The following PLD5 variants were observed in gnomAD, a reference collection of about 807,000 sequenced individuals.
The protein encoded by PLD5 is phospholipase D family member 5.
In PLD5, 36 loss-of-function variants were observed where a neutral mutation model predicts 61.1. That is an observed-to-expected ratio of 0.59 (90% CI 0.45 to 0.78). The LOEUF (loss-of-function observed/expected upper bound fraction) is 0.78, where lower values mean the gene tolerates loss of function less well. PLD5 is among the 30% of genes least tolerant of loss of function. PLD5 has a pLI of 0.00. For missense variants in PLD5, 515 were observed against 644.4 expected (o/e 0.80, Z 2.17); for synonymous variants, 243 against 242.8 (o/e 1.00, Z -0.01).
chr1:242,528,519 C>T (rs908557607), upstream of PLD5, among the ~76,000 whole-genome samples: 1 of 152,106 alleles, frequency 6.6e-6, no homozygotes. Flanking sequence ...AGGCACTTTG[C>T]ATTGTCATAA....
intron 1 of PLD5, among the ~76,000 whole-genome samples, chr1:242,500,112 A>G (rs1295869789): frequency 2.6e-5 from 4 of 152,174 alleles, no homozygotes; most frequent in African/African-American, 9.6e-5. Context: ...CAAGCCTTGG[A>G]TGTCACATAG....
At chr1:242,386,716 T>G (rs1429928079) in intron 1 of PLD5, among the ~76,000 whole-genome samples, 2 of 152,164 alleles carry the variant, frequency 1.3e-5, no homozygotes, top group Non-Finnish European at 1.5e-5. Flanking sequence ...GGCTCTTGAC[T>G]GTACTCTGGT....
rs144139620 is a variant in PLD5 at position 242,510,022 on chromosome 1, T to C, written c.189+14066A>G. Among the ~76,000 whole-genome samples, 480 of 152,314 alleles carry C rather than the reference T, an allele frequency of 3.2e-3. 3 individuals are homozygous for C. The highest frequency in any genetic ancestry group is 3.9e-3 in the Non-Finnish European group (262 of 68,016). ...CATTTCAATGCCTATCCCACCATAC[T>C]TCCTTCTCTTCTTATCCATCTTTTC... On this transcript the variant is annotated intron_variant, in intron 1 of 9. Transcript: ENST00000536534.
chr1:242,394,997 G>A (rs1023119124), intron 1 of PLD5, among the ~76,000 whole-genome samples: 591 of 57,006 alleles, frequency 0.01, 4 homozygotes, highest in South Asian at 0.026. Flanking sequence ...GAATATATAT[G>A]TATATATGAA....
rs546304418 is a variant in PLD5 at position 242,324,963 on chromosome 1, G to A, written c.326+23143C>T. On this transcript the variant is annotated intron_variant, in intron 2 of 9. Coordinates refer to ENST00000536534, the MANE Select transcript of PLD5 (RefSeq NM_001372062.1). ...CCTGCCTAAATATCTTTCAACAACC[G>A]TAGCCTCTGAATTTTAGAGAAGCTG... Among the ~76,000 whole-genome samples, 175 of 152,210 alleles carry A rather than the reference G, an allele frequency of 1.1e-3. 1 individual carries two copies. The highest frequency in any genetic ancestry group is 3.8e-3 in the African/African-American group (157 of 41,526).
chr1:242,282,866 G>T (rs943841102), intron 3 of PLD5, among the ~76,000 whole-genome samples: 2 of 152,126 alleles, frequency 1.3e-5, no homozygotes, highest in African/African-American at 4.8e-5. Context: ...AAAACCTTTT[G>T]CCCGACCATG....
At chr1:242,405,884 G>T (rs746431396) in intron 1 of PLD5, among the ~76,000 whole-genome samples, 12 of 151,760 alleles carry the variant, frequency 7.9e-5, no homozygotes, top group Non-Finnish European at 1.8e-4. Flanking sequence ...TTACAGGTGT[G>T]AGCCACTGAG....
chr1:242,394,528 A>G (rs540774775), intron 1 of PLD5, among the ~76,000 whole-genome samples: 1 of 46,374 alleles, frequency 2.2e-5, no homozygotes, highest in Non-Finnish European at 3.7e-5. Flanking sequence ...ATATATGTGT[A>G]TATATGTGAA....
At chr1:242,360,838 T>C (rs1012546447) in intron 1 of PLD5, among the ~76,000 whole-genome samples, 2 of 152,108 alleles carry the variant, frequency 1.3e-5, no homozygotes, top group African/African-American at 4.8e-5. Context: ...TCCTTAGACA[T>C]TATAAATGGA....
intron 1 of PLD5, among the ~76,000 whole-genome samples, chr1:242,368,602 A>G (rs1661467746): frequency 6.6e-6 from 1 of 152,214 alleles, no homozygotes. Context: ...TGCATAGGGC[A>G]TGAATCTCTG....
At position 242,416,305 on chromosome 1, in the gene PLD5, G is replaced by C. The variant is rs1456556869; in HGVS notation, c.190-68063C>G. Among the ~76,000 whole-genome samples, 3 of 151,872 alleles carry C rather than the reference G, an allele frequency of 2.0e-5. No individual in the cohort carries two copies. In the East Asian group the frequency reaches 5.8e-4, roughly 29 times the overall value. ...GAAGCTACATTATGGATTCATGAAG[G>C]TTGTATTATACTCTTCTACATACTT... On this transcript the variant is annotated intron_variant, in intron 1 of 9. Coordinates refer to ENST00000536534, the MANE Select transcript of PLD5 (RefSeq NM_001372062.1).
chr1:242,351,077 T>G (rs77878932), intron 1 of PLD5, among the ~76,000 whole-genome samples: 4 of 151,998 alleles, frequency 2.6e-5, no homozygotes, highest in Non-Finnish European at 5.9e-5. Flanking sequence ...AATTTTATAT[T>G]TTTAGTAGAG....
intron 1 of PLD5, among the ~76,000 whole-genome samples, chr1:242,431,141 C>T (rs76241939): frequency 0.02 from 3,000 of 152,272 alleles, 95 homozygotes; most frequent in African/African-American, 0.066. Flanking sequence ...AGAACATTCA[C>T]GCTGTTGCGT....
chr1:242,486,046 C>T (rs1425583024), intron 1 of PLD5, among the ~76,000 whole-genome samples: 3 of 151,422 alleles, frequency 2.0e-5, no homozygotes, highest in Admixed American at 6.6e-5. Flanking sequence ...CTTCCTTACA[C>T]CTTATACAAA....
chr1:242,403,640 A>G (rs1016295783), intron 1 of PLD5, among the ~76,000 whole-genome samples: 3 of 146,768 alleles, frequency 2.0e-5, no homozygotes, highest in Non-Finnish European at 4.5e-5. Flanking sequence ...AATTTTTTGT[A>G]TTTTTTTTTT....
At chr1:242,348,910 T>C (rs561036791) in intron 1 of PLD5, among the ~76,000 whole-genome samples, 102 of 152,102 alleles carry the variant, frequency 6.7e-4, no homozygotes, top group South Asian at 2.5e-3. Flanking sequence ...AAAAATTAGC[T>C]GGGCGTGGTG....
intron 1 of PLD5, among the ~76,000 whole-genome samples, chr1:242,368,899 G>A (rs775521196): frequency 1.2e-4 from 18 of 152,122 alleles, no homozygotes; most frequent in Non-Finnish European, 2.4e-4. Flanking sequence ...AAGTTCTGCC[G>A]AGGACTCTTT....
intron 5 of PLD5, among the ~76,000 whole-genome samples, chr1:242,146,877 C>T (rs1664581490): frequency 6.6e-6 from 1 of 152,138 alleles, no homozygotes; most frequent in South Asian, 2.1e-4. Context: ...AAATTCTGTG[C>T]TGGGTAATTC....
intron 6 of PLD5, among the ~76,000 whole-genome samples, chr1:242,120,499 G>C (rs554017823): frequency 6.6e-6 from 1 of 151,984 alleles, no homozygotes; most frequent in African/African-American, 2.4e-5. Flanking sequence ...TGTAAATTAC[G>C]TCTCTGTAAG....
Sources: gnomAD v4.1 joint callset for allele counts (sites outside exome capture counted in the v4.1 genomes callset) on GRCh38, gnomAD v4.1.1 for gene constraint, MANE v1.5 for transcripts, NCBI Gene and HGNC (gene_info 2026-07-23, HGNC 2026-07-21) for gene names.